The following GMDS variants were observed in gnomAD, a reference collection of about 807,000 sequenced individuals.
The protein encoded by GMDS is GDP-mannose 4,6 dehydratase.
GMDS carries 20 observed loss-of-function variants against 49.9 expected under a neutral mutation model. The observed-to-expected ratio is 0.40, with a 90% CI of 0.28 to 0.58. GMDS has a LOEUF of 0.58. GMDS is among the 20% of genes least tolerant of loss of function. GMDS has a pLI of 0.42. For synonymous variants in GMDS, 177 were observed against 178.6 expected, an observed-to-expected ratio of 0.99 and a Z score of 0.07; for missense variants, 362 against 481.4, an observed-to-expected ratio of 0.75 and a Z score of 2.32.
intron 9 of GMDS, among the ~76,000 whole-genome samples, chr6:1,718,790 T>C (rs934297748): frequency 6.0e-5 from 9 of 149,336 alleles, no homozygotes; most frequent in Admixed American, 2.0e-4. Context: ...ATATTTCATA[T>C]ATATATATTT....
intron 7 of GMDS, among the ~76,000 whole-genome samples, chr6:1,925,224 T>C (rs187784940): frequency 1.6e-3 from 242 of 152,372 alleles, no homozygotes; most frequent in Non-Finnish European, 1.5e-3. Flanking sequence ...TCTAACTGCC[T>C]ATGACTTTAT....
At chr6:2,245,270 G>T in intron 1 of GMDS, 51 bp downstream of exon 1, 1 of 1,215,578 alleles carries the variant, frequency 8.2e-7, no homozygotes, top group Non-Finnish European at 1.2e-6. Flanking sequence ...CGTAGGGAGA[G>T]CACGCGTGCC....
chr6:1,768,996 G>C (rs1768469818), intron 7 of GMDS, among the ~76,000 whole-genome samples: 1 of 152,152 alleles, frequency 6.6e-6, no homozygotes, highest in African/African-American at 2.4e-5. Flanking sequence ...ATGCCCAGGA[G>C]AGGAAATAAC....
intron 1 of GMDS, among the ~76,000 whole-genome samples, chr6:2,194,458 C>T (rs1779194380): frequency 6.6e-6 from 1 of 152,122 alleles, no homozygotes; most frequent in Non-Finnish European, 1.5e-5. Flanking sequence ...GTTGTTTAAA[C>T]CCAATAAATA....
At chr6:2,188,136 G>A (rs987908916) in intron 1 of GMDS, among the ~76,000 whole-genome samples, 2 of 152,218 alleles carry the variant, frequency 1.3e-5, no homozygotes, top group Non-Finnish European at 2.9e-5. Flanking sequence ...GCCCACCGAG[G>A]AGGGGGACTC....
intron 7 of GMDS, among the ~76,000 whole-genome samples, chr6:1,784,400 A>AAAAG (rs1554119183): frequency 5.6e-5 from 7 of 125,278 alleles, no homozygotes; most frequent in East Asian, 2.8e-4. Context: ...CAAAAAAAAA[A>AAAAG]AAAAAAAAAA....
chr6:1,732,187 C>T (rs181040217), intron 8 of GMDS, among the ~76,000 whole-genome samples: 304 of 152,146 alleles, frequency 2.0e-3, no homozygotes, highest in African/African-American at 6.9e-3. Context: ...ATGAGCCAGG[C>T]GTGGTGGCGG....
intron 7 of GMDS, among the ~76,000 whole-genome samples, chr6:1,773,683 C>T (rs1768676697): frequency 6.6e-6 from 1 of 152,188 alleles, no homozygotes; most frequent in South Asian, 2.1e-4. Flanking sequence ...GTGTCTGACA[C>T]AGGAATTCTA....
chr6:2,208,936 C>T (rs915116493), intron 1 of GMDS, among the ~76,000 whole-genome samples: 1 of 151,852 alleles, frequency 6.6e-6, no homozygotes, highest in Non-Finnish European at 1.5e-5. Context: ...CCCAAGCTGT[C>T]CTGTCCAAGC....
chr6:2,189,396 C>T (rs1778918290), intron 1 of GMDS, among the ~76,000 whole-genome samples: 1 of 152,140 alleles, frequency 6.6e-6, no homozygotes, highest in Non-Finnish European at 1.5e-5. Context: ...ACTGGAGATG[C>T]AGGAGAATCT....
chr6:2,127,990 A>G (rs897471958), intron 1 of GMDS, among the ~76,000 whole-genome samples: 1 of 152,232 alleles, frequency 6.6e-6, no homozygotes, highest in Non-Finnish European at 1.5e-5. Context: ...ATTCTGGTAT[A>G]AAGTCCTGCC....
chr6:1,844,099 G>A (rs1757275035), intron 7 of GMDS, among the ~76,000 whole-genome samples: 2 of 152,198 alleles, frequency 1.3e-5, no homozygotes, highest in African/African-American at 2.4e-5. Context: ...CACTGTGTTA[G>A]GAGCTTTAGA....
intron 9 of GMDS, chr6:1,679,154 G>C (rs1764712035): frequency 6.6e-6 from 1 of 152,240 alleles, no homozygotes; most frequent in Admixed American, 6.5e-5. Flanking sequence ...AGAGCAGACA[G>C]ATGGCGGTTA....
intron 7 of GMDS, among the ~76,000 whole-genome samples, chr6:1,777,353 A>G (rs531018799): frequency 2.0e-5 from 3 of 152,350 alleles, no homozygotes; most frequent in African/African-American, 7.2e-5. Context: ...AGGATGTGTG[A>G]TATTTTTTTA....
At chr6:1,653,918 A>G (rs1432729920) in intron 9 of GMDS, among the ~76,000 whole-genome samples, 1 of 152,216 alleles carries the variant, frequency 6.6e-6, no homozygotes, top group Non-Finnish European at 1.5e-5. Context: ...CACCAAAAGC[A>G]TGGGCAACAC....
chr6:1,710,874 C>T lies in GMDS; in HGVS notation c.987+15542G>A, dbSNP rs181474844. ...AGTTTGTGGAGGGCTTAACGACAGA[C>T]TTGTGAAGGGGTTGACTACATATCG... On this transcript the variant is annotated intron_variant, in intron 9 of 10. Coordinates refer to ENST00000380815, the MANE Select transcript of GMDS (RefSeq NM_001500.4). Among the ~76,000 whole-genome samples, 150 of 152,282 alleles carry T rather than the reference C, an allele frequency of 9.9e-4. 1 individual carries two copies. The highest frequency in any genetic ancestry group is 3.5e-3 in the African/African-American group (144 of 41,548).
At chr6:1,988,519 G>A (rs966637085) in intron 4 of GMDS, among the ~76,000 whole-genome samples, 7 of 151,984 alleles carry the variant, frequency 4.6e-5, no homozygotes, top group South Asian at 2.1e-4. Context: ...CTCCAATTTG[G>A]GCTCCCTATC....
At chr6:1,876,752 C>T (rs980981988) in intron 7 of GMDS, among the ~76,000 whole-genome samples, 5 of 152,156 alleles carry the variant, frequency 3.3e-5, no homozygotes, top group Admixed American at 1.3e-4. Flanking sequence ...GTTAGTTCAA[C>T]GAACTTTTAT....
At chr6:2,188,496 T>C (rs1293225341) in intron 1 of GMDS, among the ~76,000 whole-genome samples, 1 of 152,176 alleles carries the variant, frequency 6.6e-6, no homozygotes, top group Non-Finnish European at 1.5e-5. Context: ...GATTCATTAC[T>C]GAAGTAGGAA....
Sources: gnomAD v4.1 joint callset for allele counts (sites outside exome capture counted in the v4.1 genomes callset) on GRCh38, gnomAD v4.1.1 for gene constraint, MANE v1.5 for transcripts, NCBI Gene and HGNC (gene_info 2026-07-23, HGNC 2026-07-21) for gene names.